Variants in FBXL2 observed in about 807,000 individuals in gnomAD.
FBXL2 encodes the protein F-box/LRR-repeat protein 2.
A neutral mutation model predicts 69.2 loss-of-function variants in FBXL2; 38 were observed. The ratio of observed to expected loss-of-function variants is 0.55; its 90% CI spans 0.42 to 0.72. The LOEUF (loss-of-function observed/expected upper bound fraction) is 0.72. Ranked by LOEUF, FBXL2 falls within the 30% of genes least tolerant of loss-of-function variation. The pLI, the probability that FBXL2 is intolerant of heterozygous loss-of-function variation, is 0.00. For missense variants in FBXL2, 354 were observed against 520.3 expected (o/e 0.68, Z 3.11); for synonymous variants, 192 against 201.3 (o/e 0.95, Z 0.39).
At chr3:33,394,817 GTTTTTTTTTT>G (rs76142927) in intron 12 of FBXL2, among the ~76,000 whole-genome samples, 8 of 110,428 alleles carry the variant, frequency 7.2e-5, no homozygotes, top group Middle Eastern at 4.8e-3. Flanking sequence ...CCCTCCACTT[GTTTTTTTTTT>G]TTTTTTTTTT....
At chr3:33,345,630 C>T (rs2125870699) in intron 2 of FBXL2, among the ~76,000 whole-genome samples, 1 of 152,228 alleles carries the variant, frequency 6.6e-6, no homozygotes, top group East Asian at 1.9e-4. Flanking sequence ...GGAACATTCA[C>T]CAAGATAGAC....
intron 2 of FBXL2, among the ~76,000 whole-genome samples, chr3:33,323,680 T>C (rs1179680393): frequency 2.0e-5 from 3 of 152,242 alleles, no homozygotes; most frequent in East Asian, 3.8e-4. Context: ...GGTATATATG[T>C]ACCACATTTT....
chr3:33,322,050 G>A (rs1445345442), intron 2 of FBXL2, among the ~76,000 whole-genome samples: 4 of 146,384 alleles, frequency 2.7e-5, no homozygotes, highest in South Asian at 4.3e-4. Flanking sequence ...AAATGTACAC[G>A]TGGTGACTAG....
intron 4 of FBXL2, among the ~76,000 whole-genome samples, chr3:33,359,614 A>G (rs2041468388): frequency 6.6e-6 from 1 of 151,986 alleles, no homozygotes; most frequent in Non-Finnish European, 1.5e-5. Flanking sequence ...AAAGCCACAC[A>G]CCTGCATCAT....
At chr3:33,411,228 A>T in the FBXL2 span, among the ~76,000 whole-genome samples, 1 of 152,234 alleles carries the variant, frequency 6.6e-6, no homozygotes, top group East Asian at 1.9e-4. Flanking sequence ...TGTTTTAAAA[A>T]TAATGCTAGA....
At chr3:33,401,213 A>G (rs1338208217) in intron 12 of FBXL2, among the ~76,000 whole-genome samples, 8 of 152,300 alleles carry the variant, frequency 5.3e-5, no homozygotes, top group East Asian at 1.9e-4. Flanking sequence ...AAGACACAGA[A>G]GACTGTGTCT....
chr3:33,413,886 C>T, the FBXL2 span, among the ~76,000 whole-genome samples: 2 of 152,140 alleles, frequency 1.3e-5, no homozygotes, highest in Non-Finnish European at 2.9e-5. Context: ...TAGTGGTGGC[C>T]CCTAAGACAC....
chr3:33,320,686 G>A (rs1193022474), intron 2 of FBXL2, among the ~76,000 whole-genome samples: 1 of 151,840 alleles, frequency 6.6e-6, no homozygotes, highest in Non-Finnish European at 1.5e-5. Flanking sequence ...TCACCATGTT[G>A]GTCAGGCTGA....
At chr3:33,303,816 A>G (rs1559511925) in intron 2 of FBXL2, among the ~76,000 whole-genome samples, 2 of 152,116 alleles carry the variant, frequency 1.3e-5, no homozygotes, top group African/African-American at 4.8e-5. Flanking sequence ...TTAGAAATAC[A>G]GTTTGAAGAG....
chr3:33,392,590 T>G, downstream of FBXL2: 1 of 1,612,012 alleles, frequency 6.2e-7, no homozygotes, highest in Non-Finnish European at 8.5e-7. Context: ...AAAAAACAAC[T>G]CTCATCTTGA....
chr3:33,380,002 G>A (rs2042924752), intron 13 of FBXL2, among the ~76,000 whole-genome samples: 1 of 152,088 alleles, frequency 6.6e-6, no homozygotes, highest in Admixed American at 6.5e-5. Context: ...GGAGGCTGAG[G>A]TGGGCAGATC....
intron 10 of FBXL2, 102 bp from the exon 11 acceptor site, chr3:33,377,171 A>C: frequency 8.9e-7 from 1 of 1,126,836 alleles, no homozygotes; most frequent in East Asian, 2.3e-5. Flanking sequence ...AGGCAAAAGC[A>C]TGTCAAAGAG....
the FBXL2 span, among the ~76,000 whole-genome samples, chr3:33,413,884 G>A: frequency 6.6e-6 from 1 of 152,122 alleles, no homozygotes; most frequent in Non-Finnish European, 1.5e-5. Flanking sequence ...GCTAGTGGTG[G>A]CCCCTAAGAC....
At chr3:33,280,713 C>CAAA (rs34093056) in intron 1 of FBXL2, among the ~76,000 whole-genome samples, 6 of 81,426 alleles carry the variant, frequency 7.4e-5, no homozygotes, top group Admixed American at 1.3e-4. Flanking sequence ...GCCCTGTATC[C>CAAA]AAAAAAAAAA....
At chr3:33,318,747 CATCTA>C (rs374798101) in intron 2 of FBXL2, among the ~76,000 whole-genome samples, 59,577 of 150,586 alleles carry the variant, frequency 0.4, 12,869 homozygotes, top group East Asian at 0.6. Flanking sequence ...GTTTTTTAAA[CATCTA>C]TTATTGCTCA....
chr3:33,406,447 CAT>C (rs2044430329), downstream of FBXL2, among the ~76,000 whole-genome samples: 1 of 152,086 alleles, frequency 6.6e-6, no homozygotes, highest in Non-Finnish European at 1.5e-5. Context: ...ACATATAAAA[CAT>C]AACACAGCAT....
intron 2 of FBXL2, chr3:33,297,994 A>G (rs1466110930): frequency 4.5e-6 from 2 of 445,870 alleles, no homozygotes; most frequent in Non-Finnish European, 8.3e-6. Context: ...AGTAGGTGCC[A>G]TTGTTTTGTT....
At chr3:33,296,604 G>A (rs2035774812) in intron 1 of FBXL2, among the ~76,000 whole-genome samples, 1 of 152,098 alleles carries the variant, frequency 6.6e-6, no homozygotes, top group Admixed American at 6.5e-5. Context: ...TATATATCCA[G>A]TTGTACCAGT....
At chr3:33,418,548 C>T in the FBXL2 span, among the ~76,000 whole-genome samples, 2 of 151,838 alleles carry the variant, frequency 1.3e-5, no homozygotes, top group Non-Finnish European at 2.9e-5. Context: ...CGTGAGCCAC[C>T]GCACCCGGCC....
Sources: gnomAD v4.1 joint callset for allele counts (sites outside exome capture counted in the v4.1 genomes callset) on GRCh38, gnomAD v4.1.1 for gene constraint, MANE v1.5 for transcripts, NCBI Gene and HGNC (gene_info 2026-07-23, HGNC 2026-07-21) for gene names.